APOBEC1: variants seen among roughly 807,000 people sequenced by gnomAD.
APOBEC1 encodes C->U-editing enzyme APOBEC-1.
Under a neutral mutation model 26.3 loss-of-function variants are expected in APOBEC1, and 22 were observed. The observed-to-expected ratio is 0.84, with a 90% CI of 0.60 to 1.19. APOBEC1 has a LOEUF of 1.19. Ranked by LOEUF, APOBEC1 falls within the 50% of genes most tolerant of loss-of-function variation. APOBEC1 has a pLI of 0.00. For missense variants in APOBEC1, 253 were observed against 289.0 expected, an observed-to-expected ratio of 0.88 and a Z score of 0.90; for synonymous variants, 77 against 95.3, an observed-to-expected ratio of 0.81 and a Z score of 1.12.
chr12:7,659,927 C>G (rs1863779484), intron 1 of APOBEC1, among the ~76,000 whole-genome samples: 1 of 152,042 alleles, frequency 6.6e-6, no homozygotes, highest in Non-Finnish European at 1.5e-5. Context: ...CGAGATCAAG[C>G]CACTGCACTC....
rs372830540 is a variant in APOBEC1, at chr12:7,661,911, G to C, written c.16+3946C>G. Among the ~76,000 whole-genome samples the C allele has an allele frequency of 2.0e-4, 31 of 152,294 alleles. No homozygotes were observed. In the East Asian group the frequency reaches 5.8e-3, roughly 28 times the overall value. On this transcript the variant is annotated intron_variant, in intron 1 of 4. Coordinates refer to ENST00000229304, the MANE Select transcript of APOBEC1 (RefSeq NM_001644.5). Reference sequence around the variant, plus strand: ...GTCATCTAAATTCCCAATGCACAGGGCTTCAGGGAGTGGGGATTATCTTGA... The same window carrying C: ...GTCATCTAAATTCCCAATGCACAGGCCTTCAGGGAGTGGGGATTATCTTGA...
At chr12:7,662,440 G>A (rs769124048) in intron 1 of APOBEC1, among the ~76,000 whole-genome samples, 11 of 152,020 alleles carry the variant, frequency 7.2e-5, no homozygotes, top group South Asian at 2.1e-4. Flanking sequence ...AAAATTAGCC[G>A]GGCATGTTGG....
At chr12:7,668,151 T>G (rs1033675009), upstream of APOBEC1, among the ~76,000 whole-genome samples, 1 of 151,962 alleles carries the variant, frequency 6.6e-6, no homozygotes, top group Non-Finnish European at 1.5e-5. Flanking sequence ...GATATGAGGA[T>G]GAGAGCAGAA....
In APOBEC1 at chr12:7,652,624, A is replaced by AGCAGCTGATGGATG. The variant is rs1565439829; in HGVS notation, c.255_256insCATCCATCAGCTGC (p.Trp86HisfsTer24). On this transcript the variant is annotated frameshift_variant, in exon 3 of 5. Transcript: ENST00000229304. LOFTEE classifies it high-confidence loss of function. ...CAGCAGGGACTCCAGGACAAGAACC[A>AGCAGCTGATGGATG]GGTGATGGAGCAGCTCATGGATGGG... 3 of 1,614,188 alleles carry AGCAGCTGATGGATG rather than the reference A, an allele frequency of 1.9e-6. No homozygotes were observed. Among genetic ancestry groups the AGCAGCTGATGGATG allele is most frequent in the Non-Finnish European group, 2.5e-6 (3 of 1,180,010 alleles).
chr12:7,654,150 T>C lies in APOBEC1; in HGVS notation c.44+455A>G, dbSNP rs775402347. On this transcript the variant is annotated intron_variant, in intron 2 of 4. Transcript: ENST00000229304. Reference sequence around the variant, plus strand: ...ATGAGTTTCCCAGGTATTTCACTAATGGCTATAAAAGCATGCGATTTAAAA... The same window carrying C: ...ATGAGTTTCCCAGGTATTTCACTAACGGCTATAAAAGCATGCGATTTAAAA... Among the ~76,000 whole-genome samples the C allele has an allele frequency of 1.6e-4, 25 of 152,208 alleles. No homozygotes were observed. The South Asian group carries it at 4.8e-3, about 29-fold the overall frequency.
intron 2 of APOBEC1, among the ~76,000 whole-genome samples, chr12:7,654,372 CTTTTTT>C (rs373055650): frequency 1.5e-5 from 2 of 136,592 alleles, no homozygotes; most frequent in African/African-American, 5.5e-5. Flanking sequence ...TCCACAGTTC[CTTTTTT>C]TTTTTTTTTT....
intron 1 of APOBEC1, among the ~76,000 whole-genome samples, chr12:7,659,553 A>G (rs965994166): frequency 6.6e-6 from 1 of 151,796 alleles, no homozygotes; most frequent in African/African-American, 2.4e-5. Context: ...CGCATGCAAA[A>G]CACCAAATGC....
At chr12:7,654,730 G>T in intron 1 of APOBEC1, 98 bp from the exon 2 acceptor site, 1 of 1,172,524 alleles carries the variant, frequency 8.5e-7, no homozygotes, top group Non-Finnish European at 1.3e-6. Context: ...AATCATCTCA[G>T]AAAATGGAAT....
intron 2 of APOBEC1, 63 bp downstream of exon 2, chr12:7,654,542 G>A (rs10845624): frequency 0.53 from 813,520 of 1,535,250 alleles, 225,945 homozygotes; most frequent in Non-Finnish European, 0.58. Context: ...ACCATGCACA[G>A]CTCTTAAATA....
In APOBEC1 at chr12:7,652,453, T is replaced by C; in HGVS notation, c.427A>G (p.Ile143Val). ...DLVNSGVTIQ[I>V]MRASEYYHCW... ...CTGTTTTTACCTGATGCTCTCATAATCTGAATAGTTACTCCACTGTTAACA... is the reference window on the plus strand; with the variant it reads ...CTGTTTTTACCTGATGCTCTCATAACCTGAATAGTTACTCCACTGTTAACA... Residue 143 changes from isoleucine to valine, a missense_variant, in exon 3 of 5, where the codon ATT becomes GTT. Transcript: ENST00000229304. The C allele has an allele frequency of 6.2e-7, 1 of 1,612,730 alleles. No homozygotes were observed. The highest frequency in any genetic ancestry group is 1.3e-5 in the African/African-American group (1 of 74,948).
At chr12:7,656,817 G>A (rs1171141885) in intron 1 of APOBEC1, among the ~76,000 whole-genome samples, 2 of 152,094 alleles carry the variant, frequency 1.3e-5, no homozygotes, top group Non-Finnish European at 2.9e-5. Flanking sequence ...CTGTTATTAC[G>A]GCAGCCTTTC....
intron 1 of APOBEC1, among the ~76,000 whole-genome samples, chr12:7,658,156 A>G (rs1863742299): frequency 6.6e-6 from 1 of 152,092 alleles, no homozygotes; most frequent in Admixed American, 6.6e-5. Flanking sequence ...CTTTGCCTCC[A>G]GGGTTCAAGT....
chr12:7,666,905 C>T (rs976692954), upstream of APOBEC1, among the ~76,000 whole-genome samples: 2 of 143,392 alleles, frequency 1.4e-5, no homozygotes, highest in Non-Finnish European at 3.0e-5. Context: ...GCCAAGTCCA[C>T]TTCTGCCCTT....
chr12:7,657,043 CGTGTGT>C (rs6144603), intron 1 of APOBEC1, among the ~76,000 whole-genome samples: 7,946 of 148,720 alleles, frequency 0.053, 231 homozygotes, highest in Middle Eastern at 0.072. Flanking sequence ...GTTGTATATA[CGTGTGT>C]GTGTGTGTGT....
At chr12:7,666,585 G>C (rs781351825), upstream of APOBEC1, among the ~76,000 whole-genome samples, 1 of 151,980 alleles carries the variant, frequency 6.6e-6, no homozygotes, top group Admixed American at 6.6e-5. Context: ...ATGAGCCACC[G>C]TGCCTAGCCT....
intron 1 of APOBEC1, among the ~76,000 whole-genome samples, chr12:7,664,446 T>C (rs11838031): frequency 0.14 from 21,631 of 152,230 alleles, 1,658 homozygotes; most frequent in South Asian, 0.22. Flanking sequence ...CTCTATAGTA[T>C]AATAACACTT....
chr12:7,661,037 CAA>C (rs764452957), intron 1 of APOBEC1, among the ~76,000 whole-genome samples: 3,969 of 91,000 alleles, frequency 0.044, 128 homozygotes, highest in African/African-American at 0.11. Context: ...ACTAAAAATA[CAA>C]AAAAAAAAAA....
Position 7,652,498 on chromosome 12 carries a change from G to A in APOBEC1, c.382C>T (p.Arg128Trp). Residue 128 changes from arginine (R) to tryptophan (W), a missense_variant, in exon 3 of 5, where the codon CGG becomes TGG. Transcript: ENST00000229304. ...TTAACAAGGTCCCTGAGACCTTGCC[G>A]ATTTTGTTGATCCATGTGCCAAAAA... ...RLFWHMDQQN[R>W]QGLRDLVNSG... 2 of 1,614,070 alleles carry A rather than the reference G, an allele frequency of 1.2e-6. No homozygotes were observed. Among genetic ancestry groups the A allele is most frequent in the South Asian group, 1.1e-5 (1 of 91,052 alleles).
chr12:7,663,112 C>T (rs979828037), intron 1 of APOBEC1, among the ~76,000 whole-genome samples: 44 of 152,254 alleles, frequency 2.9e-4, no homozygotes, highest in African/African-American at 1.0e-3. Context: ...ATTCATCCCA[C>T]GCTCCTGGCC....
Sources: allele counts gnomAD v4.1 joint callset (sites outside exome capture counted in the v4.1 genomes callset), GRCh38; gene constraint gnomAD v4.1.1; transcripts MANE v1.5; gene names NCBI Gene and HGNC (gene_info 2026-07-23, HGNC 2026-07-21).